GPRC5B: variants seen among roughly 807,000 people sequenced by gnomAD.
The protein encoded by GPRC5B is G protein-coupled receptor family C group 5 member B.
Under a neutral mutation model 30.1 loss-of-function variants are expected in GPRC5B, and 16 were observed. The observed-to-expected ratio is 0.53, with a 90% confidence interval of 0.36 to 0.81. The LOEUF (loss-of-function observed/expected upper bound fraction) is 0.81, where lower values mean the gene tolerates loss of function less well. GPRC5B is among the 30% of genes least tolerant of loss of function. The pLI is 0.01. For synonymous variants in GPRC5B, 241 were observed against 239.5 expected (o/e 1.01, Z -0.06); for missense variants, 428 against 544.7 (o/e 0.79, Z 2.13).
intron 1 of GPRC5B, among the ~76,000 whole-genome samples, chr16:19,883,131 C>A (rs567101358): frequency 6.6e-6 from 1 of 152,220 alleles, no homozygotes; most frequent in Non-Finnish European, 1.5e-5. Flanking sequence ...TCCCCAGCCC[C>A]GGGAGAGCAG....
chr16:19,876,499 T>C (rs1282469075), intron 1 of GPRC5B, among the ~76,000 whole-genome samples: 3 of 152,202 alleles, frequency 2.0e-5, no homozygotes, highest in Admixed American at 1.3e-4. Context: ...TTGCAAGAAC[T>C]TGGCCTTCTG....
At chr16:19,864,317 T>C (rs2056650169) in intron 2 of GPRC5B, among the ~76,000 whole-genome samples, 2 of 152,254 alleles carry the variant, frequency 1.3e-5, no homozygotes, top group Admixed American at 1.3e-4. Flanking sequence ...AAGCCCCTAA[T>C]AGAGGAAAGA....
intron 2 of GPRC5B, among the ~76,000 whole-genome samples, chr16:19,862,839 C>T (rs1431124708): frequency 6.6e-6 from 1 of 152,164 alleles, no homozygotes; most frequent in African/African-American, 2.4e-5. Context: ...ATCGCTTGAA[C>T]CCGGGAGGTT....
intron 2 of GPRC5B, among the ~76,000 whole-genome samples, chr16:19,870,313 TC>T (rs1057145926): frequency 6.6e-6 from 1 of 152,142 alleles, no homozygotes; most frequent in African/African-American, 2.4e-5. Context: ...AGGGACCACT[TC>T]CCCACGAAAC....
At chr16:19,885,397 C>G (rs904279695), upstream of GPRC5B, 6 of 1,162,752 alleles carry the variant, frequency 5.2e-6, no homozygotes, top group Non-Finnish European at 5.4e-6. The surrounding 1 kb of genome is among the most constrained non-coding windows in gnomAD (Gnocchi z 5.3). Flanking sequence ...GCACACACAC[C>G]GCTAGGCCTC....
Position 19,872,964 on chromosome 16 carries a change from G to A in GPRC5B, c.-1-118C>T, listed in dbSNP as rs2056735111. 2 of 693,524 alleles carry A rather than the reference G, an allele frequency of 2.9e-6. No individual in the cohort carries two copies. Among genetic ancestry groups the A allele is most frequent in the African/African-American group, 1.8e-5 (1 of 56,214 alleles). The allele number at this position is 693,524 out of a possible 1,614,324, so 43.0% of individuals were successfully genotyped here. The stretch of plus-strand genomic sequence containing the variant: ...TCATTTCAAACCTGCAAGCGCACAC[G>A]GCACCTTTGCACACATAGGAAAACG... On this transcript the variant is annotated intron_variant, in intron 1 of 3. Transcript: ENST00000300571. The surrounding 1 kb of genome is among the most constrained non-coding windows in gnomAD (Gnocchi z 5.0).
chr16:19,860,330 A>C lies in GPRC5B; in HGVS notation c.*170T>G, dbSNP rs2056610850. 1 of 593,870 alleles carries C rather than the reference A, an allele frequency of 1.7e-6. No homozygotes were observed. The highest frequency in any genetic ancestry group is 2.0e-5 in the South Asian group (1 of 49,760). The allele number at this position is 593,870 out of a possible 1,614,324, so 36.8% of individuals were successfully genotyped here. ...GGCGGGCAGTCGGTGTTAGCTTTTC[A>C]GTTCGTCAGTGTTCACATTTACACG... is the stretch of plus-strand genomic sequence containing the variant. On this transcript the variant is annotated 3_prime_UTR_variant, in exon 4 of 4. Transcript: ENST00000300571.
At chr16:19,871,310 A>G (rs989051135) in intron 2 of GPRC5B, among the ~76,000 whole-genome samples, 1 of 150,258 alleles carries the variant, frequency 6.7e-6, no homozygotes, top group African/African-American at 2.4e-5. Context: ...AGAAAGAAAG[A>G]AAAAAACAAA....
intron 3 of GPRC5B, among the ~76,000 whole-genome samples, chr16:19,860,824 C>G (rs958564025): frequency 2.6e-5 from 4 of 152,018 alleles, no homozygotes; most frequent in Admixed American, 1.3e-4. Flanking sequence ...CTTGAAGGAA[C>G]CAGGAGGGCT....
intron 1 of GPRC5B, among the ~76,000 whole-genome samples, chr16:19,882,985 C>T (rs894275457): frequency 2.6e-5 from 4 of 152,148 alleles, no homozygotes; most frequent in African/African-American, 7.2e-5. Flanking sequence ...ATGTCACTCC[C>T]GGAACAGTCA....
chr16:19,872,206 T>C lies in GPRC5B; in HGVS notation c.640A>G (p.Thr214Ala). The C allele has an allele frequency of 6.2e-7, 1 of 1,614,048 alleles. No homozygotes were observed. Among genetic ancestry groups the C allele is most frequent in the Non-Finnish European group, 8.5e-7 (1 of 1,180,004 alleles). The change falls in exon 2 of 4, where the codon ACC becomes GCC. Residue 214 changes from threonine (T) to alanine (A), a missense_variant. This residue lies in a region of GPRC5B where 213 missense variants were observed against 229.1 expected (regional missense o/e 0.93). Coordinates refer to ENST00000300571, the MANE Select transcript of GPRC5B (RefSeq NM_016235.3). This position sits in a 1 kb window ranked among gnomAD's most constrained non-coding sequence, Gnocchi z 5.0. ...LIYDMVLLVVTLGLALFTLCG... is the reference protein window; with the variant it reads ...LIYDMVLLVVALGLALFTLCG... Reference sequence around the variant, plus strand: ...AGAGTGAAGAGGGCCAGCCCCAGGGTGACCACAAGCAGTACCATGTCGTAG... The same window carrying C: ...AGAGTGAAGAGGGCCAGCCCCAGGGCGACCACAAGCAGTACCATGTCGTAG...
upstream of GPRC5B, chr16:19,885,345 G>C: frequency 5.0e-6 from 6 of 1,203,400 alleles, no homozygotes; most frequent in Non-Finnish European, 6.4e-6. The surrounding 1 kb of genome is among the most constrained non-coding windows in gnomAD (Gnocchi z 5.3). Flanking sequence ...GATCCCGCCC[G>C]GTGCCTCTCG....
chr16:19,874,970 A>G (rs1447556933), intron 1 of GPRC5B, among the ~76,000 whole-genome samples: 1 of 150,734 alleles, frequency 6.6e-6, no homozygotes, highest in Non-Finnish European at 1.5e-5. Flanking sequence ...CTCTCAAGCC[A>G]GACTTACTGC....
At chr16:19,866,139 G>A (rs541335894) in intron 2 of GPRC5B, among the ~76,000 whole-genome samples, 1 of 151,912 alleles carries the variant, frequency 6.6e-6, no homozygotes, top group East Asian at 1.9e-4. Context: ...ATATTGGCCA[G>A]GCTGGTCTCA....
Position 19,858,688 on chromosome 16 carries a change from C to G in GPRC5B, c.*1812G>C. The G allele has an allele frequency of 2.1e-6, 1 of 470,938 alleles. No individual in the cohort carries two copies. The highest frequency in any genetic ancestry group is 4.2e-5 in the South Asian group (1 of 23,726). 29.2% of individuals were successfully genotyped at this position (470,938 alleles called of 1,614,324 possible). On this transcript the variant is annotated 3_prime_UTR_variant, in exon 4 of 4. Coordinates refer to ENST00000300571, the MANE Select transcript of GPRC5B (RefSeq NM_016235.3). ...GTCCTAGCTTCATTCCCTCCCACCC[C>G]TCCCCAGGACTCTTACGTTTTCTGT...
In GPRC5B at chr16:19,878,481, C is replaced by T. The variant is rs918539329; in HGVS notation, c.-1-5635G>A. ...GCTAATTTTTGTATTTTAGCAGAGA[C>T]GGAGGTTTTGCCATGTTGGCCAGGC... On this transcript the variant is annotated intron_variant, in intron 1 of 3. Coordinates refer to ENST00000300571, the MANE Select transcript of GPRC5B (RefSeq NM_016235.3). Among the ~76,000 whole-genome samples, 12 of 151,930 alleles carry T rather than the reference C, an allele frequency of 7.9e-5. No individual in the cohort carries two copies. The East Asian group carries it at 2.0e-3, about 25-fold the overall frequency.
chr16:19,874,471 C>T (rs369121401), intron 1 of GPRC5B, among the ~76,000 whole-genome samples: 2 of 152,218 alleles, frequency 1.3e-5, no homozygotes, highest in East Asian at 3.9e-4. Context: ...GTCCTCCCAT[C>T]CTCACTTCCT....
chr16:19,871,410 T>G (rs1047654872), intron 2 of GPRC5B, among the ~76,000 whole-genome samples: 1 of 150,268 alleles, frequency 6.7e-6, no homozygotes, highest in Middle Eastern at 3.2e-3. Context: ...TCAGCTGAGG[T>G]CAGGAGTTCA....
rs1468825814 is a variant in GPRC5B, at chr16:19,857,646, C to T, written c.*2854G>A. On this transcript the variant is annotated 3_prime_UTR_variant, in exon 4 of 4. Coordinates refer to ENST00000300571, the MANE Select transcript of GPRC5B (RefSeq NM_016235.3). The stretch of plus-strand genomic sequence containing the variant: ...TTATAAAAGCCACAATGCTCCCTTT[C>T]AACTTGGGGTTTGGCCTGAGGCGTT... 3.5e-6 allele frequency: 1 copy of T among 282,546 alleles called. No homozygotes were observed. The highest frequency in any genetic ancestry group is 2.3e-5 in the African/African-American group (1 of 42,942). 17.5% of individuals were successfully genotyped at this position (282,546 alleles called of 1,614,324 possible).
Sources: gnomAD v4.1 joint callset for allele counts (sites outside exome capture counted in the v4.1 genomes callset) on GRCh38, gnomAD v4.1.1 for gene constraint, gnomAD v4.1.1 regional missense constraint, Gnocchi (gnomAD v3.1) non-coding constraint, MANE v1.5 for transcripts, NCBI Gene and HGNC (gene_info 2026-07-23, HGNC 2026-07-21) for gene names.